Variants in CYP46A1 observed in about 807,000 individuals in gnomAD.
CYP46A1 encodes cytochrome P450 family 46 subfamily A member 1.
CYP46A1 carries 20 observed loss-of-function variants against 63.3 expected under a neutral mutation model. The ratio of observed to expected loss-of-function variants is 0.32; its 90% confidence interval spans 0.22 to 0.46. The LOEUF (loss-of-function observed/expected upper bound fraction) is 0.46, where lower values mean the gene tolerates loss of function less well. CYP46A1 is among the 20% of genes least tolerant of loss of function. The pLI, the probability that CYP46A1 is intolerant of heterozygous loss-of-function variation, is 1.00. For synonymous variants in CYP46A1, 268 were observed against 273.6 expected (o/e 0.98, Z 0.20); for missense variants, 445 against 670.8 (o/e 0.66, Z 3.72).
chr14:99,685,804 T>C (rs1045723672), intron 1 of CYP46A1, among the ~76,000 whole-genome samples: 5 of 151,912 alleles, frequency 3.3e-5, no homozygotes, highest in African/African-American at 7.3e-5. Context: ...GCTGGCTCTC[T>C]GCCCTTCTGG....
chr14:99,686,937 A>G (rs2056499456), intron 1 of CYP46A1, among the ~76,000 whole-genome samples: 2 of 152,364 alleles, frequency 1.3e-5, no homozygotes, highest in Middle Eastern at 3.4e-3. Context: ...ATGCCTTGAC[A>G]TTAAAAGCCT....
rs764709264 is a variant in CYP46A1, at chr14:99,725,520, G to A, written c.1265+41G>A. On this transcript the variant is annotated intron_variant, in intron 13 of 14. Transcript: ENST00000261835. This position sits in a 1 kb window ranked among gnomAD's most constrained non-coding sequence, Gnocchi z 4.2. The stretch of plus-strand genomic sequence containing the variant: ...AGCTGCCCATGAGTGGGGCTGGCGG[G>A]AGAAGGACAGACACAGCGGCCTCTG... 3 of 1,482,478 alleles carry A rather than the reference G, an allele frequency of 2.0e-6. No individual in the cohort carries two copies. Among genetic ancestry groups the A allele is most frequent in the Admixed American group, 1.7e-5 (1 of 59,780 alleles). The allele number at this position is 1,482,478 out of a possible 1,614,324, so 91.8% of individuals were successfully genotyped here.
At chr14:99,700,584 G>A (rs549445284) in intron 5 of CYP46A1, among the ~76,000 whole-genome samples, 5 of 152,344 alleles carry the variant, frequency 3.3e-5, no homozygotes, top group Admixed American at 2.0e-4. Context: ...CATGGTAATG[G>A]CGTAGTGCAA....
chr14:99,696,189 T>G (rs1449605368), intron 3 of CYP46A1, among the ~76,000 whole-genome samples: 1 of 152,208 alleles, frequency 6.6e-6, no homozygotes, highest in Non-Finnish European at 1.5e-5. Context: ...CATCTGTTTT[T>G]TGTTCCCTTT....
intron 4 of CYP46A1, 51 bp from the exon 5 acceptor site, chr14:99,699,964 C>CGGGGGGGGGGGG: frequency 3.9e-6 from 3 of 773,850 alleles, no homozygotes; most frequent in Non-Finnish European, 4.2e-6. Context: ...ATCAAGCAGT[C>CGGGGGGGGGGGG]GCTCCCCACC....
At chr14:99,717,987 C>G (rs1474985633) in intron 9 of CYP46A1, 67 bp from the exon 10 acceptor site, 1 of 1,289,348 alleles carries the variant, frequency 7.8e-7, no homozygotes, top group African/African-American at 1.5e-5. Flanking sequence ...GGCATAGAGG[C>G]AGGCACAAAC....
chr14:99,693,805 ATG>A (rs1216360557), intron 3 of CYP46A1, among the ~76,000 whole-genome samples: 2 of 152,264 alleles, frequency 1.3e-5, no homozygotes, highest in African/African-American at 4.8e-5. Flanking sequence ...TTTACATTGT[ATG>A]TTTTAAATTT....
intron 14 of CYP46A1, 99 bp downstream of exon 14, chr14:99,726,355 C>CTGGGCTG (rs2056897547): frequency 2.2e-6 from 3 of 1,371,246 alleles, no homozygotes; most frequent in African/African-American, 1.4e-5. Context: ...TCTGGGGCTG[C>CTGGGCTG]TGGGCTGTGG....
intron 11 of CYP46A1, 134 bp downstream of exon 11, chr14:99,721,457 T>A: frequency 1.5e-6 from 1 of 678,328 alleles, no homozygotes; most frequent in Non-Finnish European, 2.7e-6. Context: ...AGATTTAAAG[T>A]ATCCTGAGGC....
chr14:99,706,064 T>A (rs2056673061), intron 5 of CYP46A1: 1 of 152,248 alleles, frequency 6.6e-6, no homozygotes, highest in African/African-American at 2.4e-5. Flanking sequence ...TTTTTGTGAG[T>A]TTGGAGTGCA....
rs563397327 is a variant in CYP46A1, at chr14:99,692,658, T to C, written c.282+797T>C. On this transcript the variant is annotated intron_variant, in intron 3 of 14. Coordinates refer to ENST00000261835, the MANE Select transcript of CYP46A1 (RefSeq NM_006668.2). ...CAGCCTGGCCAACATGGTGAAACCC[T>C]ATCTCTACTAAAAATACAAAAATTA... Among the ~76,000 whole-genome samples, 3 of 151,130 alleles carry C rather than the reference T, an allele frequency of 2.0e-5. No homozygotes were observed. In the South Asian group the frequency reaches 6.3e-4, roughly 32 times the overall value.
chr14:99,726,059 C>A, intron 13 of CYP46A1, 131 bp from the exon 14 acceptor site: 1 of 768,886 alleles, frequency 1.3e-6, no homozygotes, highest in Non-Finnish European at 2.2e-6. Flanking sequence ...TCATGCTTTG[C>A]ATGCAAAGTG....
intron 5 of CYP46A1, chr14:99,705,922 C>G (rs1217122734): frequency 6.6e-6 from 1 of 152,146 alleles, no homozygotes; most frequent in Non-Finnish European, 1.5e-5. Flanking sequence ...AAGACTCTGT[C>G]TATGGAAAAA....
At chr14:99,691,285 G>A (rs2056540884) in intron 2 of CYP46A1, 124 bp downstream of exon 2, 5 of 943,688 alleles carry the variant, frequency 5.3e-6, no homozygotes, top group Middle Eastern at 3.2e-4. Flanking sequence ...CCCAGCCCCA[G>A]CAGTTCCTCC....
chr14:99,699,418 G>A, intron 3 of CYP46A1, 48 bp from the exon 4 acceptor site: 2 of 1,556,598 alleles, frequency 1.3e-6, no homozygotes, highest in South Asian at 2.2e-5. Flanking sequence ...GCATCTTGCA[G>A]CTACTCATGG....
chr14:99,706,852 C>T lies in CYP46A1; in HGVS notation c.582+67C>T. 2.0e-6 allele frequency: 3 copies of T among 1,537,514 alleles called. No individual in the cohort carries two copies. In the Admixed American group the frequency reaches 5.8e-5, roughly 30 times the overall value. ...TGGGGTAGAGGGGTCTCTTCTCTCCCTCTTCCCTTCTCTCTTCCCCTCCCT... is the reference window on the plus strand; with the variant it reads ...TGGGGTAGAGGGGTCTCTTCTCTCCTTCTTCCCTTCTCTCTTCCCCTCCCT... On this transcript the variant is annotated intron_variant, in intron 6 of 14. Coordinates refer to ENST00000261835, the MANE Select transcript of CYP46A1 (RefSeq NM_006668.2).
intron 1 of CYP46A1, among the ~76,000 whole-genome samples, chr14:99,687,602 G>T (rs2056505738): frequency 6.6e-6 from 1 of 152,244 alleles, no homozygotes. Context: ...CACTACTGGA[G>T]CATTCCCTTC....
At chr14:99,699,090 C>T (rs1190986043) in intron 3 of CYP46A1, among the ~76,000 whole-genome samples, 1 of 152,004 alleles carries the variant, frequency 6.6e-6, no homozygotes, top group African/African-American at 2.4e-5. Flanking sequence ...ACCCAGAAGC[C>T]CTTCCTCTCC....
chr14:99,689,152 G>C (rs908161882), intron 1 of CYP46A1, among the ~76,000 whole-genome samples: 4 of 152,160 alleles, frequency 2.6e-5, no homozygotes, highest in African/African-American at 9.6e-5. Context: ...CCCTTCCCTG[G>C]GCTCCAGATC....
Sources: gnomAD v4.1 joint callset for allele counts (sites outside exome capture counted in the v4.1 genomes callset) on GRCh38, gnomAD v4.1.1 for gene constraint, Gnocchi (gnomAD v3.1) non-coding constraint, MANE v1.5 for transcripts, NCBI Gene and HGNC (gene_info 2026-07-23, HGNC 2026-07-21) for gene names.